MGAT4C: variants seen among roughly 807,000 people sequenced by gnomAD.
The protein encoded by MGAT4C is alpha-1,3-mannosyl-glycoprotein 4-beta-N-acetylglucosaminyltransferase C.
MGAT4C carries 19 observed loss-of-function variants against 40.1 expected under a neutral mutation model. The ratio of observed to expected loss-of-function variants is 0.47; its 90% CI spans 0.33 to 0.70. MGAT4C has a LOEUF of 0.70. MGAT4C is among the 30% of genes least tolerant of loss of function. MGAT4C has a pLI of 0.02. For synonymous variants in MGAT4C, 181 were observed against 187.1 expected (o/e 0.97, Z 0.27); for missense variants, 491 against 563.2 (o/e 0.87, Z 1.30).
At chr12:86,587,396 A>T (rs1013330421) in intron 2 of MGAT4C, among the ~76,000 whole-genome samples, 10 of 152,134 alleles carry the variant, frequency 6.6e-5, no homozygotes, top group Non-Finnish European at 1.3e-4. Context: ...TGATGCCTCC[A>T]GCTTTGTTCT....
chr12:86,050,883 T>C (rs2136967425), intron 1 of MGAT4C, among the ~76,000 whole-genome samples: 1 of 152,130 alleles, frequency 6.6e-6, no homozygotes, highest in Middle Eastern at 3.4e-3. Flanking sequence ...CACAGCCAGT[T>C]AGTCATATCA....
At chr12:86,185,903 T>C (rs566207533) in intron 1 of MGAT4C, among the ~76,000 whole-genome samples, 2 of 152,086 alleles carry the variant, frequency 1.3e-5, no homozygotes, top group Admixed American at 6.6e-5. Context: ...TTAAATACAA[T>C]ATACAATTTC....
chr12:86,671,629 A>T (rs898059810), intron 2 of MGAT4C, among the ~76,000 whole-genome samples: 4 of 152,196 alleles, frequency 2.6e-5, no homozygotes, highest in African/African-American at 4.8e-5. Flanking sequence ...ACTAAGGGAG[A>T]CCAAAAAGAG....
At chr12:86,046,681 A>T (rs1187283582) in intron 2 of MGAT4C, among the ~76,000 whole-genome samples, 2 of 152,176 alleles carry the variant, frequency 1.3e-5, no homozygotes, top group African/African-American at 4.8e-5. Flanking sequence ...GATCCCAAGC[A>T]ACTTTCGAGA....
chr12:86,184,478 T>A (rs193026155), intron 1 of MGAT4C, among the ~76,000 whole-genome samples: 4 of 152,132 alleles, frequency 2.6e-5, no homozygotes, highest in African/African-American at 9.6e-5. Flanking sequence ...TACTCCTTTG[T>A]CTTCTTTTCT....
intron 2 of MGAT4C, among the ~76,000 whole-genome samples, chr12:86,613,927 CAT>C (rs1254630025): frequency 1.3e-5 from 2 of 151,898 alleles, no homozygotes; most frequent in Non-Finnish European, 2.9e-5. Context: ...AATTGAAAGA[CAT>C]AAAAACACAC....
intron 4 of MGAT4C, among the ~76,000 whole-genome samples, chr12:86,266,548 G>A (rs1952791996): frequency 2.6e-5 from 4 of 152,040 alleles, no homozygotes; most frequent in Non-Finnish European, 5.9e-5. Flanking sequence ...CTAGTATTTT[G>A]CTGAAAATTT....
chr12:86,733,997 T>A (rs11104059), intron 1 of MGAT4C, among the ~76,000 whole-genome samples: 5,208 of 152,136 alleles, frequency 0.034, 140 homozygotes, highest in Non-Finnish European at 0.048. Context: ...TCAAGAAAAA[T>A]GTCGTGGTCA....
At position 86,137,138 on chromosome 12, in the gene MGAT4C, A is replaced by T. The variant is rs575392118; in HGVS notation, c.-56-87415T>A. Among the ~76,000 whole-genome samples, 8 of 152,272 alleles carry T rather than the reference A, an allele frequency of 5.3e-5. No individual in the cohort carries two copies. The East Asian group carries it at 1.5e-3, about 29-fold the overall frequency. ...GAGTCACCTTATATACATTCTTTCCAAGTCGAAATGAATTATTTTCAGCAT... is the reference window on the plus strand; with the variant it reads ...GAGTCACCTTATATACATTCTTTCCTAGTCGAAATGAATTATTTTCAGCAT... On this transcript the variant is annotated intron_variant, in intron 1 of 4. Coordinates refer to ENST00000611864, the MANE Select transcript of MGAT4C (RefSeq NM_001351288.2).
rs56357601 is a variant in MGAT4C at position 86,191,083 on chromosome 12, GCACACACACACACACACA to G, written c.-57+65138_-57+65155del. Among the ~76,000 whole-genome samples the G allele has an allele frequency of 4.1e-3, 561 of 138,462 alleles. 5 individuals carry two copies. Among genetic ancestry groups the G allele is most frequent in the African/African-American group, 0.014 (519 of 37,246 alleles). The allele number at this position is 138,462 out of a possible 152,430, so 90.8% of individuals were successfully genotyped here. On this transcript the variant is annotated intron_variant, in intron 1 of 4. Transcript: ENST00000611864. The stretch of plus-strand genomic sequence containing the variant: ...TTTCTTAAAATCACTCTCTCTCTCT[GCACACACACACACACACA>G]CACACACACACACACACACACACAC...
At chr12:86,498,482 A>C (rs1958280964) in intron 2 of MGAT4C, among the ~76,000 whole-genome samples, 1 of 151,960 alleles carries the variant, frequency 6.6e-6, no homozygotes, top group Non-Finnish European at 1.5e-5. Flanking sequence ...CTATTTTATC[A>C]TTTAGTACCA....
chr12:86,091,003 T>A (rs942340169), intron 1 of MGAT4C, among the ~76,000 whole-genome samples: 1 of 151,990 alleles, frequency 6.6e-6, no homozygotes, highest in Non-Finnish European at 1.5e-5. Flanking sequence ...CATGTAGTTT[T>A]ATCTTCCCTT....
chr12:86,249,256 A>G (rs1952167006), intron 1 of MGAT4C, among the ~76,000 whole-genome samples: 1 of 151,886 alleles, frequency 6.6e-6, no homozygotes, highest in Non-Finnish European at 1.5e-5. Flanking sequence ...TCTTTCCCAA[A>G]CTCTGGTATT....
chr12:86,324,048 GATTACCGGAAGC>G (rs1954463608), intron 4 of MGAT4C, among the ~76,000 whole-genome samples: 1 of 151,864 alleles, frequency 6.6e-6, no homozygotes, highest in Admixed American at 6.6e-5. Flanking sequence ...TCTTTACATT[GATTACCGGAAGC>G]ATAATTTCTT....
intron 2 of MGAT4C, among the ~76,000 whole-genome samples, chr12:86,031,764 C>G (rs926680043): frequency 6.6e-6 from 1 of 151,688 alleles, no homozygotes; most frequent in Non-Finnish European, 1.5e-5. Flanking sequence ...TATATATTTA[C>G]TTGTTAACTT....
chr12:86,060,380 C>T (rs896320560), intron 1 of MGAT4C, among the ~76,000 whole-genome samples: 1 of 152,068 alleles, frequency 6.6e-6, no homozygotes, highest in Non-Finnish European at 1.5e-5. Flanking sequence ...ATGGCTTCCA[C>T]AGTTTAAAAT....
intron 2 of MGAT4C, among the ~76,000 whole-genome samples, chr12:86,566,329 G>A (rs1374341097): frequency 6.6e-6 from 1 of 151,282 alleles, no homozygotes; most frequent in East Asian, 2.0e-4. Context: ...ATAAAAGCAA[G>A]CAGCAAAATA....
At chr12:86,427,386 GTATA>G (rs1177923742) in intron 3 of MGAT4C, among the ~76,000 whole-genome samples, 8 of 151,780 alleles carry the variant, frequency 5.3e-5, no homozygotes, top group African/African-American at 1.4e-4. Context: ...TATAATTATA[GTATA>G]TATTTTCTTT....
rs564759649 is a variant in MGAT4C at position 86,586,649 on chromosome 12, G to A, written c.-229+140560C>T. The stretch of plus-strand genomic sequence containing the variant: ...CTTTTTAATGATTGCCATTCTAACT[G>A]GTGTGAGATGATATCTCATTGTGGT... On this transcript the variant is annotated intron_variant, in intron 2 of 7. Transcript: ENST00000548651. Among the ~76,000 whole-genome samples, 310 of 138,780 alleles carry A rather than the reference G, an allele frequency of 2.2e-3. 2 individuals are homozygous for A. Among genetic ancestry groups the A allele is most frequent in the African/African-American group, 7.9e-3 (305 of 38,384 alleles). 91.0% of individuals were successfully genotyped at this position (138,780 alleles called of 152,430 possible).
Sources: gnomAD v4.1 joint callset for allele counts (sites outside exome capture counted in the v4.1 genomes callset) on GRCh38, gnomAD v4.1.1 for gene constraint, MANE v1.5 for transcripts, NCBI Gene and HGNC (gene_info 2026-07-23, HGNC 2026-07-21) for gene names.